The following FBN2 variants were observed in gnomAD, a reference collection of about 807,000 sequenced individuals.
FBN2 encodes the protein fibrillin 2.
FBN2 carries 105 observed loss-of-function variants against 355.6 expected under a neutral mutation model. The ratio of observed to expected loss-of-function variants is 0.30; its 90% CI spans 0.25 to 0.35. The LOEUF (loss-of-function observed/expected upper bound fraction) is 0.35, where lower values mean the gene tolerates loss of function less well. FBN2 is among the 10% of genes least tolerant of loss of function. The pLI, the probability that FBN2 is intolerant of heterozygous loss-of-function variation, is 1.00. For missense variants in FBN2, 3,280 were observed against 3,758.7 expected (o/e 0.87, Z 3.33); for synonymous variants, 1,350 against 1,301.2 (o/e 1.04, Z -0.81).
intron 5 of FBN2, among the ~76,000 whole-genome samples, chr5:128,479,960 CTCTCTCTCTCTCTCTCTATATATATA>C (rs1755114048): frequency 1.1e-4 from 4 of 37,322 alleles, no homozygotes; most frequent in South Asian, 1.2e-3. Flanking sequence ...CTCTCTCTCT[CTCTCTCTCTCTCTCTCTATATATATA>C]TATATATATA....
At chr5:128,394,372 C>T (rs951997484) in intron 9 of FBN2, among the ~76,000 whole-genome samples, 2 of 152,062 alleles carry the variant, frequency 1.3e-5, no homozygotes, top group Admixed American at 1.3e-4. Flanking sequence ...ATGGCAGTTA[C>T]CACAGCGTAG....
At chr5:128,358,920 A>T (rs2126933580) in intron 19 of FBN2, among the ~76,000 whole-genome samples, 1 of 152,124 alleles carries the variant, frequency 6.6e-6, no homozygotes, top group East Asian at 1.9e-4. Context: ...AATATCAACT[A>T]TTTAGTTTTC....
At chr5:128,398,444 G>A (rs1023014598) in intron 8 of FBN2, among the ~76,000 whole-genome samples, 1 of 151,008 alleles carries the variant, frequency 6.6e-6, no homozygotes, top group Non-Finnish European at 1.5e-5. Flanking sequence ...CATGAACAAG[G>A]GGAAAAGGCC....
intron 6 of FBN2, among the ~76,000 whole-genome samples, chr5:128,458,892 G>A (rs1366001815): frequency 1.3e-5 from 2 of 152,130 alleles, no homozygotes; most frequent in Non-Finnish European, 2.9e-5. Context: ...AAAAGAGTTA[G>A]AGAGGCAAGA....
chr5:128,503,513 G>T (rs1263903647), intron 5 of FBN2, among the ~76,000 whole-genome samples: 2 of 152,156 alleles, frequency 1.3e-5, no homozygotes, highest in Admixed American at 1.3e-4. Flanking sequence ...AAAAGTCCAG[G>T]CTGAGGTGGT....
intron 5 of FBN2, among the ~76,000 whole-genome samples, chr5:128,489,125 A>G (rs974687520): frequency 8.3e-5 from 9 of 107,904 alleles, no homozygotes; most frequent in African/African-American, 2.2e-4. Flanking sequence ...CAACAGTGTA[A>G]AAGTGTTCCT....
intron 6 of FBN2, among the ~76,000 whole-genome samples, chr5:128,455,173 T>A (rs1400470272): frequency 6.6e-6 from 1 of 152,180 alleles, no homozygotes; most frequent in Non-Finnish European, 1.5e-5. Flanking sequence ...GTAAGAAAAT[T>A]ATACATCATA....
intron 62 of FBN2, among the ~76,000 whole-genome samples, chr5:128,269,575 A>G (rs1765213240): frequency 6.6e-6 from 1 of 152,174 alleles, no homozygotes; most frequent in Non-Finnish European, 1.5e-5. Context: ...AAGCATTCCT[A>G]TACACCAACA....
At position 128,344,520 on chromosome 5, in the gene FBN2, G is replaced by C. The variant is rs777095491; in HGVS notation, c.3218-10C>G. The C allele has an allele frequency of 1.2e-6, 2 of 1,613,280 alleles. No individual in the cohort carries two copies. The highest frequency in any genetic ancestry group is 1.7e-6 in the Non-Finnish European group (2 of 1,179,454). ...TTGCATTCATTGATGTCTAAAAGCA[G>C]AATGAAGCCAGAATGTAGAGCCGGT... On this transcript the variant is annotated splice_polypyrimidine_tract_variant and intron_variant, in intron 24 of 64. Transcript: ENST00000262464.
At chr5:128,475,060 AGTG>A (rs763403604) in intron 5 of FBN2, among the ~76,000 whole-genome samples, 3 of 152,108 alleles carry the variant, frequency 2.0e-5, no homozygotes, top group Non-Finnish European at 4.4e-5. Flanking sequence ...CTGATGGCCC[AGTG>A]GTGGTGGTGG....
intron 59 of FBN2, among the ~76,000 whole-genome samples, chr5:128,275,455 T>C (rs1190903532): frequency 1.3e-5 from 2 of 151,754 alleles, no homozygotes; most frequent in Non-Finnish European, 2.9e-5. Flanking sequence ...TTTTTTTTTT[T>C]TGATATGCCT....
intron 62 of FBN2, among the ~76,000 whole-genome samples, chr5:128,267,325 G>A (rs375570575): frequency 6.6e-6 from 1 of 152,132 alleles, no homozygotes; most frequent in Non-Finnish European, 1.5e-5. Flanking sequence ...ATATTCCTGT[G>A]GGTATATATC....
intron 8 of FBN2, among the ~76,000 whole-genome samples, chr5:128,406,093 T>C (rs1414090848): frequency 6.6e-6 from 1 of 152,202 alleles, no homozygotes; most frequent in Non-Finnish European, 1.5e-5. Context: ...ATGTAGGTAG[T>C]TGCACTAATT....
At chr5:128,525,449 C>T (rs1050457563) in intron 4 of FBN2, among the ~76,000 whole-genome samples, 6 of 152,010 alleles carry the variant, frequency 3.9e-5, no homozygotes, top group Non-Finnish European at 8.8e-5. Flanking sequence ...TGGGAAATAC[C>T]TGAATGTACA....
chr5:128,396,814 A>G (rs1206469901), intron 8 of FBN2, among the ~76,000 whole-genome samples: 2 of 152,314 alleles, frequency 1.3e-5, no homozygotes, highest in South Asian at 4.1e-4. Context: ...TGTTTTGTCT[A>G]TGATCACAAG....
chr5:128,376,200 C>T (rs1446577879), intron 14 of FBN2, among the ~76,000 whole-genome samples: 1 of 152,094 alleles, frequency 6.6e-6, no homozygotes. Flanking sequence ...ATCATTAGAG[C>T]TTGGTCTTCA....
At chr5:128,354,151 T>C (rs774494458) in intron 20 of FBN2, among the ~76,000 whole-genome samples, 8 of 152,214 alleles carry the variant, frequency 5.3e-5, no homozygotes, top group Non-Finnish European at 8.8e-5. Flanking sequence ...GGAGAAAGAC[T>C]GTTATTTTAT....
chr5:128,269,114 T>C (rs1765198689), intron 62 of FBN2, among the ~76,000 whole-genome samples: 1 of 151,828 alleles, frequency 6.6e-6, no homozygotes. Context: ...GATTCTCTAC[T>C]TAGAAAACCC....
In FBN2 at chr5:128,418,010, A is replaced by G. The variant is rs148155556; in HGVS notation, c.953-9211T>C. Among the ~76,000 whole-genome samples, 980 of 152,138 alleles carry G rather than the reference A, an allele frequency of 6.4e-3. 12 individuals are homozygous for G. The highest frequency in any genetic ancestry group is 0.022 in the African/African-American group (896 of 41,522). The stretch of plus-strand genomic sequence containing the variant: ...TTACTGATTAAGTCTTATTGCTTAT[A>G]TTGGCTTGTTCTGGTTTTCAATTTC... On this transcript the variant is annotated intron_variant, in intron 7 of 64. Coordinates refer to ENST00000262464, the MANE Select transcript of FBN2 (RefSeq NM_001999.4).
Sources: allele counts gnomAD v4.1 joint callset (sites outside exome capture counted in the v4.1 genomes callset), GRCh38; gene constraint gnomAD v4.1.1; transcripts MANE v1.5; gene names NCBI Gene and HGNC (gene_info 2026-07-23, HGNC 2026-07-21).